Variants in NAPEPLD observed in about 807,000 individuals in gnomAD.
NAPEPLD encodes the protein N-acyl phosphatidylethanolamine phospholipase D.
In NAPEPLD, 23 loss-of-function variants were observed where a neutral mutation model predicts 38.1. The ratio of observed to expected loss-of-function variants is 0.60; its 90% CI spans 0.43 to 0.86. NAPEPLD has a LOEUF of 0.86. Ranked by LOEUF, NAPEPLD falls within the 40% of genes least tolerant of loss-of-function variation. The pLI is 0.00. For missense variants in NAPEPLD, 411 were observed against 476.8 expected, an observed-to-expected ratio of 0.86 and a Z score of 1.28; for synonymous variants, 147 against 162.0, an observed-to-expected ratio of 0.91 and a Z score of 0.71.
rs563465908 is a variant in NAPEPLD, at chr7:103,149,084, C to A, written c.-290G>T. ...CTTCGCCGAAGAATTCCAAACCACC[C>A]CAGGCTCAGCAGTGTGGATTGCTCC... On this transcript the variant is annotated 5_prime_UTR_variant, in exon 1 of 5. Transcript: ENST00000465647. 6 of 985,578 alleles carry A rather than the reference C, an allele frequency of 6.1e-6. No homozygotes were observed. The East Asian group carries it at 6.8e-4, about 112-fold the overall frequency. The allele number at this position is 985,578 out of a possible 1,614,324, so 61.1% of individuals were successfully genotyped here. A position where few individuals can be genotyped will look rare whatever the true frequency, so the allele number is the denominator to read the frequency against.
intron 2 of NAPEPLD, among the ~76,000 whole-genome samples, chr7:103,124,707 G>A (rs1191512827): frequency 6.6e-6 from 1 of 152,130 alleles, no homozygotes; most frequent in African/African-American, 2.4e-5. Flanking sequence ...TCATTCAATA[G>A]CTACTCTTTG....
intron 4 of NAPEPLD, among the ~76,000 whole-genome samples, chr7:103,111,660 G>C (rs1250589804): frequency 1.3e-5 from 2 of 152,134 alleles, no homozygotes; most frequent in Non-Finnish European, 2.9e-5. Context: ...AAAAACCCTA[G>C]AAGAAAACCC....
chr7:103,144,898 G>C (rs1043299671), intron 1 of NAPEPLD, among the ~76,000 whole-genome samples: 2 of 152,076 alleles, frequency 1.3e-5, no homozygotes, highest in Non-Finnish European at 2.9e-5. Flanking sequence ...TGTAGTCCCA[G>C]CTACTCAGGA....
At chr7:103,117,846 A>G (rs1017708752) in intron 3 of NAPEPLD, among the ~76,000 whole-genome samples, 1 of 152,224 alleles carries the variant, frequency 6.6e-6, no homozygotes, top group Non-Finnish European at 1.5e-5. Context: ...CTACATATGA[A>G]AACTTATTTT....
At chr7:103,149,617 G>T, upstream of NAPEPLD, 1 of 613,324 alleles carries the variant, frequency 1.6e-6, no homozygotes, top group South Asian at 2.0e-5. Context: ...GGGCGCCGAA[G>T]CCATCTTGGT....
upstream of NAPEPLD, chr7:103,149,611 G>C (rs1320650798): frequency 3.0e-6 from 2 of 660,646 alleles, no homozygotes; most frequent in Non-Finnish European, 4.1e-6. Flanking sequence ...GGGCCGGGGC[G>C]CCGAAGCCAT....
chr7:103,135,120 C>G (rs1563366833), intron 1 of NAPEPLD, among the ~76,000 whole-genome samples: 1 of 152,136 alleles, frequency 6.6e-6, no homozygotes, highest in Non-Finnish European at 1.5e-5. Flanking sequence ...TTAATAAATA[C>G]TAATTGAGTT....
Position 103,103,298 on chromosome 7 carries a change from T to C in NAPEPLD, c.*131A>G, listed in dbSNP as rs1802654977. The C allele has an allele frequency of 5.2e-6, 6 of 1,153,126 alleles. No homozygotes were observed. In the South Asian group the frequency reaches 6.8e-5, roughly 13 times the overall value. 71.4% of individuals were successfully genotyped at this position (1,153,126 alleles called of 1,614,324 possible). A position where few individuals can be genotyped will look rare whatever the true frequency, so the allele number is the denominator to read the frequency against. ...AGGAAGCAAGTTATTACACAAAACA[T>C]AAAACATAAACTTGCAGAAGTTGTT... On this transcript the variant is annotated 3_prime_UTR_variant, in exon 5 of 5. Coordinates refer to ENST00000465647, the MANE Select transcript of NAPEPLD (RefSeq NM_001122838.3).
intron 4 of NAPEPLD, among the ~76,000 whole-genome samples, chr7:103,113,132 T>C (rs1189209969): frequency 2.0e-5 from 3 of 152,212 alleles, no homozygotes; most frequent in African/African-American, 7.2e-5. Context: ...CTAAGTCCCA[T>C]ATATATGGAA....
At position 103,119,633 on chromosome 7, in the gene NAPEPLD, T is replaced by C. The variant is rs1200973082; in HGVS notation, c.885A>G (p.Gly295=). ...TGYCPAFEEI[G]KRFGPFDLAA... is the part of the protein sequence containing the mutation. ...CAAGGTCAAAAGGTCCAAATCTTTTTCCTATCTCTTCAAAAGCAGGGCAAT... is the reference window on the plus strand; with the variant it reads ...CAAGGTCAAAAGGTCCAAATCTTTTCCCTATCTCTTCAAAAGCAGGGCAAT... Residue 295 remains glycine (G), a synonymous_variant, in exon 3 of 5, where the codon GGA becomes GGG. Coordinates refer to ENST00000465647, the MANE Select transcript of NAPEPLD (RefSeq NM_001122838.3). The C allele has an allele frequency of 6.2e-7, 1 of 1,614,006 alleles. No individual in the cohort carries two copies. The highest frequency in any genetic ancestry group is 8.5e-7 in the Non-Finnish European group (1 of 1,180,042).
chr7:103,149,636 C>A (rs981566756), upstream of NAPEPLD: 6 of 407,514 alleles, frequency 1.5e-5, no homozygotes, highest in African/African-American at 2.2e-5. Context: ...GTAAAGGAAG[C>A]GCCTGGGAGC....
At chr7:103,146,834 C>T (rs1358295651) in intron 1 of NAPEPLD, among the ~76,000 whole-genome samples, 1 of 152,154 alleles carries the variant, frequency 6.6e-6, no homozygotes, top group Non-Finnish European at 1.5e-5. Context: ...GCTAAGGTTC[C>T]TTGGCCAAAT....
intron 1 of NAPEPLD, among the ~76,000 whole-genome samples, chr7:103,130,762 G>A (rs952521): frequency 0.9 from 137,526 of 152,102 alleles, 63,750 homozygotes; most frequent in East Asian, 1. Context: ...TGCCTGGCTA[G>A]TTTTTTTATT....
At chr7:103,134,760 G>A (rs1809691030) in intron 1 of NAPEPLD, among the ~76,000 whole-genome samples, 1 of 152,174 alleles carries the variant, frequency 6.6e-6, no homozygotes, top group South Asian at 2.1e-4. Flanking sequence ...TACATTTTTT[G>A]AAGATTAATT....
At position 103,148,961 on chromosome 7, in the gene NAPEPLD, G is replaced by C; in HGVS notation, c.-167C>G. 2 of 985,400 alleles carry C rather than the reference G, an allele frequency of 2.0e-6. No homozygotes were observed. The highest frequency in any genetic ancestry group is 2.4e-6 in the Non-Finnish European group (2 of 829,934). The allele number at this position is 985,400 out of a possible 1,614,324, so 61.0% of individuals were successfully genotyped here. A position where few individuals can be genotyped will look rare whatever the true frequency, so the allele number is the denominator to read the frequency against. On this transcript the variant is annotated 5_prime_UTR_variant, in exon 1 of 5. Transcript: ENST00000465647. ...GAGATGCAGGCTCCGCAACTCGCGA[G>C]GTGCGAAAATTCAAATGAAGCCCTG... is the stretch of plus-strand genomic sequence containing the variant.
In NAPEPLD at chr7:103,100,302, T is replaced by TTA. The variant is rs1358470537; in HGVS notation, c.*3125_*3126dup. The stretch of plus-strand genomic sequence containing the variant: ...CATTAAATATGAAACTATGCATACA[T>TTA]TAAAAACCAGGATTTGTTTTTAATG... On this transcript the variant is annotated 3_prime_UTR_variant, in exon 5 of 5. Coordinates refer to ENST00000465647, the MANE Select transcript of NAPEPLD (RefSeq NM_001122838.3). 6.6e-6 allele frequency: 1 copy of TTA among 152,324 alleles called. No homozygotes were observed. Among genetic ancestry groups the TTA allele is most frequent in the East Asian group, 1.9e-4 (1 of 5,188 alleles). 9.4% of individuals were successfully genotyped at this position (152,324 alleles called of 1,614,324 possible).
At chr7:103,138,473 CTTT>C (rs59334185) in intron 1 of NAPEPLD, among the ~76,000 whole-genome samples, 1 of 144,674 alleles carries the variant, frequency 6.9e-6, no homozygotes, top group Non-Finnish European at 1.5e-5. Context: ...TTCTACAGCC[CTTT>C]TTTTTTTTTG....
In NAPEPLD at chr7:103,133,253, A is replaced by G. The variant is rs117948198; in HGVS notation, c.-16-4461T>C. 5.0e-3 allele frequency among the ~76,000 whole-genome samples: 768 copies of G among 152,266 alleles called. 8 individuals are homozygous for G. Among genetic ancestry groups the G allele is most frequent in the Non-Finnish European group, 6.4e-3 (438 of 67,998 alleles). ...GGGCGACCAACTGCCACGTTGTCAT[A>G]TCCTTGGGGTATGGGGAAATGTATA... On this transcript the variant is annotated intron_variant, in intron 1 of 4. Coordinates refer to ENST00000465647, the MANE Select transcript of NAPEPLD (RefSeq NM_001122838.3).
chr7:103,149,545 A>C (rs955642176), upstream of NAPEPLD: 12 of 1,219,286 alleles, frequency 9.8e-6, no homozygotes, highest in Non-Finnish European at 1.3e-5. Flanking sequence ...CAGCAGGGCC[A>C]GCGGTGGCCT....
Sources: allele counts gnomAD v4.1 joint callset (sites outside exome capture counted in the v4.1 genomes callset), GRCh38; gene constraint gnomAD v4.1.1; transcripts MANE v1.5; gene names NCBI Gene and HGNC (gene_info 2026-07-23, HGNC 2026-07-21).